The following CLVS1 variants were observed in gnomAD, a reference collection of about 807,000 sequenced individuals.
The protein encoded by CLVS1 is clavesin-1.
CLVS1 carries 10 observed loss-of-function variants against 33.1 expected under a neutral mutation model. The observed-to-expected ratio is 0.30, with a 90% CI of 0.19 to 0.51. CLVS1 has a LOEUF of 0.51. CLVS1 is among the 20% of genes least tolerant of loss of function. The pLI, the probability that CLVS1 is intolerant of heterozygous loss-of-function variation, is 0.97. For synonymous variants in CLVS1, 163 were observed against 166.1 expected, an observed-to-expected ratio of 0.98 and a Z score of 0.14; for missense variants, 343 against 433.4, an observed-to-expected ratio of 0.79 and a Z score of 1.85.
At chr8:61,142,597 G>C (rs991796107) in intron 2 of CLVS1, among the ~76,000 whole-genome samples, 15 of 152,218 alleles carry the variant, frequency 9.9e-5, no homozygotes, top group African/African-American at 3.1e-4. Context: ...CTACCAGACT[G>C]CTTGGCAAAT....
At chr8:61,289,533 G>C (rs1409533587) in intron 1 of CLVS1, among the ~76,000 whole-genome samples, 1 of 152,142 alleles carries the variant, frequency 6.6e-6, no homozygotes, top group African/African-American at 2.4e-5. Flanking sequence ...GGGATTTTTT[G>C]ACAAGTTATT....
At chr8:61,151,751 A>G (rs1806541579) in intron 2 of CLVS1, among the ~76,000 whole-genome samples, 1 of 152,198 alleles carries the variant, frequency 6.6e-6, no homozygotes, top group Non-Finnish European at 1.5e-5. Flanking sequence ...CTAGCATCTA[A>G]CAAGTGGCTC....
intron 2 of CLVS1, among the ~76,000 whole-genome samples, chr8:61,191,624 T>C (rs1255743002): frequency 2.0e-5 from 3 of 151,898 alleles, no homozygotes; most frequent in African/African-American, 7.3e-5. Flanking sequence ...ATTTAGAAAA[T>C]CCCATCATCT....
intron 1 of CLVS1, among the ~76,000 whole-genome samples, chr8:61,118,550 C>T (rs1028363506): frequency 9.3e-5 from 14 of 151,124 alleles, no homozygotes; most frequent in Non-Finnish European, 1.3e-4. Flanking sequence ...TGAATGCGTC[C>T]CAGAGATTCT....
At chr8:61,478,192 T>C (rs1368291559) in intron 5 of CLVS1, among the ~76,000 whole-genome samples, 2 of 152,348 alleles carry the variant, frequency 1.3e-5, no homozygotes, top group African/African-American at 4.8e-5. Context: ...CAGTTTGTTA[T>C]AATTTCTGTT....
chr8:61,401,755 G>T (rs948367098), intron 3 of CLVS1, among the ~76,000 whole-genome samples: 1 of 151,984 alleles, frequency 6.6e-6, no homozygotes, highest in African/African-American at 2.4e-5. Flanking sequence ...AGCCAACCAC[G>T]ACAATCCTAA....
intron 2 of CLVS1, among the ~76,000 whole-genome samples, chr8:61,173,976 T>A (rs774108086): frequency 2.0e-5 from 3 of 152,158 alleles, no homozygotes; most frequent in Non-Finnish European, 2.9e-5. Context: ...TTGGTTAGAG[T>A]GCTGATTGGC....
intron 1 of CLVS1, among the ~76,000 whole-genome samples, chr8:61,129,255 G>A (rs1806039057): frequency 6.6e-6 from 1 of 152,194 alleles, no homozygotes; most frequent in South Asian, 2.1e-4. Flanking sequence ...AGAAAGAAAG[G>A]CAGAGTGGAA....
chr8:61,161,478 G>T (rs866554599), intron 2 of CLVS1, among the ~76,000 whole-genome samples: 3 of 152,160 alleles, frequency 2.0e-5, no homozygotes, highest in Non-Finnish European at 4.4e-5. Flanking sequence ...TAAAAAAGAA[G>T]AAAATTCCGT....
the CLVS1 span, among the ~76,000 whole-genome samples, chr8:61,041,187 C>A: frequency 6.6e-6 from 1 of 152,046 alleles, no homozygotes; most frequent in South Asian, 2.1e-4. Context: ...TTCCATTGGT[C>A]TATATGTCTG....
At chr8:60,993,888 A>C in the CLVS1 span, among the ~76,000 whole-genome samples, 39 of 152,298 alleles carry the variant, frequency 2.6e-4, no homozygotes, top group East Asian at 6.2e-3. Flanking sequence ...AGTGAAAGTC[A>C]GAAGATGTGT....
chr8:61,299,473 G>A (rs1228411498), intron 1 of CLVS1, among the ~76,000 whole-genome samples: 1 of 152,120 alleles, frequency 6.6e-6, no homozygotes, highest in Non-Finnish European at 1.5e-5. Flanking sequence ...TCAAATATTT[G>A]CATGTTAGAT....
intron 2 of CLVS1, among the ~76,000 whole-genome samples, chr8:61,337,965 C>A (rs1244909444): frequency 1.3e-5 from 2 of 152,206 alleles, no homozygotes; most frequent in Non-Finnish European, 2.9e-5. Context: ...GAAAAACTGA[C>A]TTTTAAATGA....
At chr8:61,092,671 A>G (rs1205931668) in intron 1 of CLVS1, among the ~76,000 whole-genome samples, 2 of 152,186 alleles carry the variant, frequency 1.3e-5, no homozygotes, top group African/African-American at 2.4e-5. Context: ...TTCATATCAC[A>G]TCACTCAGAG....
chr8:61,174,466 A>AACAG (rs1807074117), intron 2 of CLVS1, among the ~76,000 whole-genome samples: 1 of 151,814 alleles, frequency 6.6e-6, no homozygotes, highest in African/African-American at 2.4e-5. Flanking sequence ...CAAACAAACA[A>AACAG]ACAAAAACCA....
At chr8:61,431,252 T>A (rs1439585774) in intron 3 of CLVS1, among the ~76,000 whole-genome samples, 1 of 152,198 alleles carries the variant, frequency 6.6e-6, no homozygotes, top group Non-Finnish European at 1.5e-5. Flanking sequence ...ATGGGTCTCA[T>A]GGTGGGGAAC....
the CLVS1 span, among the ~76,000 whole-genome samples, chr8:60,984,300 C>CT: frequency 6.6e-6 from 1 of 150,774 alleles, no homozygotes; most frequent in South Asian, 2.1e-4. Context: ...AGTTTTTTTT[C>CT]TTTTTTTCCT....
chr8:61,420,209 T>A (rs909822712), intron 3 of CLVS1, among the ~76,000 whole-genome samples: 2 of 152,152 alleles, frequency 1.3e-5, no homozygotes, highest in Non-Finnish European at 2.9e-5. Flanking sequence ...ACGGAACTGA[T>A]AATATATTGC....
In CLVS1 at chr8:61,095,120, T is replaced by C. The variant is rs182789419; in HGVS notation, c.-242-36650T>C. On this transcript the variant is annotated intron_variant, in intron 1 of 2. Coordinates refer to the CLVS1 transcript ENST00000522621. ...TATCTCCTTTCATATTCATAACATATTTACTGCCAAATTTTGAAAGAAGCC... is the reference window on the plus strand; with the variant it reads ...TATCTCCTTTCATATTCATAACATACTTACTGCCAAATTTTGAAAGAAGCC... Among the ~76,000 whole-genome samples, 238 of 152,332 alleles carry C rather than the reference T, an allele frequency of 1.6e-3. 2 individuals are homozygous for C. The highest frequency in any genetic ancestry group is 5.5e-3 in the African/African-American group (230 of 41,576).
Sources: gnomAD v4.1 joint callset for allele counts (sites outside exome capture counted in the v4.1 genomes callset) on GRCh38, gnomAD v4.1.1 for gene constraint, MANE v1.5 for transcripts, NCBI Gene and HGNC (gene_info 2026-07-23, HGNC 2026-07-21) for gene names.